Variants in DCAF6 observed in about 807,000 individuals in gnomAD.
DCAF6 encodes the protein DDB1 and CUL4 associated factor 6, also known as DDB1- and CUL4-associated factor 6.
In DCAF6, 54 loss-of-function variants were observed where a neutral mutation model predicts 125.1. That is an observed-to-expected ratio of 0.43 (90% CI 0.35 to 0.54). The LOEUF is 0.54. Ranked by LOEUF, DCAF6 falls within the 20% of genes least tolerant of loss-of-function variation. The pLI, the probability that DCAF6 is intolerant of heterozygous loss-of-function variation, is 0.01. For missense variants in DCAF6, 934 were observed against 1,161.7 expected (o/e 0.80, Z 2.85); for synonymous variants, 371 against 390.4 (o/e 0.95, Z 0.58).
At chr1:167,999,533 G>T (rs1682280482) in intron 7 of DCAF6, among the ~76,000 whole-genome samples, 1 of 152,156 alleles carries the variant, frequency 6.6e-6, no homozygotes, top group African/African-American at 2.4e-5. Flanking sequence ...GTTTAGGGTA[G>T]CCACTTTGAT....
intron 12 of DCAF6, among the ~76,000 whole-genome samples, chr1:168,028,139 A>G (rs1397329974): frequency 1.3e-5 from 2 of 152,098 alleles, no homozygotes; most frequent in African/African-American, 4.8e-5. Context: ...TTTAATGGGT[A>G]GTTTTAGTTT....
At chr1:167,942,929 C>G (rs1016968776) in intron 1 of DCAF6, among the ~76,000 whole-genome samples, 7 of 151,964 alleles carry the variant, frequency 4.6e-5, no homozygotes, top group Non-Finnish European at 8.8e-5. Flanking sequence ...TTTTTTGAGA[C>G]AGAGTCTTGC....
intron 4 of DCAF6, among the ~76,000 whole-genome samples, chr1:167,986,141 G>A (rs900367198): frequency 2.0e-5 from 3 of 152,214 alleles, no homozygotes; most frequent in African/African-American, 7.2e-5. Context: ...GTTGTTTCAA[G>A]TGTTTGGCTA....
At chr1:167,964,523 G>T (rs12117741) in intron 2 of DCAF6, among the ~76,000 whole-genome samples, 1 of 152,078 alleles carries the variant, frequency 6.6e-6, no homozygotes, top group East Asian at 1.9e-4. Context: ...CCTAGCTGTA[G>T]TTCTTTTTGT....
chr1:167,994,381 G>C (rs1221828015), intron 7 of DCAF6, among the ~76,000 whole-genome samples: 1 of 152,094 alleles, frequency 6.6e-6, no homozygotes, highest in Admixed American at 6.5e-5. Context: ...GAGACTAAAT[G>C]TGTATGTCCA....
the DCAF6 span, among the ~76,000 whole-genome samples, chr1:167,912,051 A>G: frequency 1.8e-4 from 27 of 152,230 alleles, no homozygotes; most frequent in Non-Finnish European, 2.8e-4. Context: ...ATTTTTGAAG[A>G]TATAGTTTTC....
At chr1:167,922,994 G>T in the DCAF6 span, among the ~76,000 whole-genome samples, 1 of 152,054 alleles carries the variant, frequency 6.6e-6, no homozygotes, top group Non-Finnish European at 1.5e-5. Flanking sequence ...TAAAAACAAA[G>T]ATATCTAACA....
At chr1:167,892,725 A>G in the DCAF6 span, among the ~76,000 whole-genome samples, 1 of 152,190 alleles carries the variant, frequency 6.6e-6, no homozygotes, top group Non-Finnish European at 1.5e-5. Context: ...AATTCACTCT[A>G]TGAAGGCAGC....
intron 2 of DCAF6, among the ~76,000 whole-genome samples, chr1:167,956,831 T>A (rs1479161473): frequency 6.6e-6 from 1 of 152,168 alleles, no homozygotes; most frequent in Non-Finnish European, 1.5e-5. Context: ...CTGTTATTTC[T>A]ATGGCCATCT....
At chr1:168,044,516 A>G (rs1387978933) in intron 14 of DCAF6, 69 bp from the exon 15 acceptor site, 2 of 1,116,492 alleles carry the variant, frequency 1.8e-6, no homozygotes, top group Non-Finnish European at 2.7e-6. Flanking sequence ...AGATTTTGGT[A>G]TTTTCAGCGA....
chr1:167,924,459 T>C, the DCAF6 span: 2 of 1,556,220 alleles, frequency 1.3e-6, no homozygotes, highest in Admixed American at 1.8e-5. Context: ...ATTAAGGAAT[T>C]TGTCTTTCAG....
At chr1:167,997,801 A>C (rs1173588186) in intron 7 of DCAF6, among the ~76,000 whole-genome samples, 1 of 152,194 alleles carries the variant, frequency 6.6e-6, no homozygotes, top group African/African-American at 2.4e-5. Context: ...AAAAAGACAA[A>C]TATCCAAACT....
the DCAF6 span, among the ~76,000 whole-genome samples, chr1:167,895,693 T>C: frequency 6.6e-6 from 1 of 152,224 alleles, no homozygotes; most frequent in Non-Finnish European, 1.5e-5. Flanking sequence ...GAATTCTGGC[T>C]GTTAGGTCTG....
At chr1:167,997,043 T>A (rs1681827026) in intron 7 of DCAF6, among the ~76,000 whole-genome samples, 1 of 152,118 alleles carries the variant, frequency 6.6e-6, no homozygotes, top group Non-Finnish European at 1.5e-5. Flanking sequence ...ACATTGGGGA[T>A]TTTTTGTGTG....
the DCAF6 span, among the ~76,000 whole-genome samples, chr1:167,874,898 G>GT: frequency 6.6e-6 from 1 of 152,148 alleles, no homozygotes; most frequent in Non-Finnish European, 1.5e-5. Flanking sequence ...GATTCCATCT[G>GT]TATCAATTTT....
rs1203808845 is a variant in DCAF6 at position 168,004,697 on chromosome 1, A to G, written c.1282A>G (p.Thr428Ala). 2.5e-6 allele frequency: 4 copies of G among 1,613,984 alleles called. No individual in the cohort carries two copies. Among genetic ancestry groups the G allele is most frequent in the Admixed American group, 1.7e-5 (1 of 59,994 alleles). ...TCAGGCTCATTCGACATCATCTCCC[A>G]CAGAAAGCCCTCATTCTACTCCTTT... Reference protein sequence around the residue: ...SAQAHSTSSPTESPHSTPLLS... With the variant: ...SAQAHSTSSPAESPHSTPLLS... Residue 428 changes from threonine to alanine, a missense_variant, in exon 10 of 22, where the codon ACA becomes GCA. Around this residue, in one of 5 missense-constraint regions of DCAF6, gnomAD observed 559 missense variants for 635.5 expected, o/e 0.88. Transcript: ENST00000367840.
At position 168,045,187 on chromosome 1, in the gene DCAF6, C is replaced by T; in HGVS notation, c.2218C>T (p.Leu740=). The change falls in exon 16 of 22, where the codon CTG becomes TTG. Residue 740 remains leucine (L), a synonymous_variant. Transcript: ENST00000367840. ...DTDDSDDDPV[L]IPGARYRAGP... The stretch of plus-strand genomic sequence containing the variant: ...AGATGACAGTGATGATGACCCAGTC[C>T]TGATCCCAGGTGCAAGGTATCGAGC... The T allele has an allele frequency of 6.2e-7, 1 of 1,613,612 alleles. No homozygotes were observed. The highest frequency in any genetic ancestry group is 8.5e-7 in the Non-Finnish European group (1 of 1,179,830).
the DCAF6 span, among the ~76,000 whole-genome samples, chr1:167,869,669 A>G: frequency 6.6e-6 from 1 of 152,080 alleles, no homozygotes; most frequent in Non-Finnish European, 1.5e-5. Context: ...GTTCTGTTTC[A>G]CTGTGACCAC....
chr1:167,965,538 T>G (rs1178137223), intron 2 of DCAF6, among the ~76,000 whole-genome samples: 3 of 152,210 alleles, frequency 2.0e-5, no homozygotes, highest in Admixed American at 2.0e-4. Flanking sequence ...ATCTGAAATT[T>G]ATTGTGAAAA....
Sources: allele counts gnomAD v4.1 joint callset (sites outside exome capture counted in the v4.1 genomes callset), GRCh38; gene constraint gnomAD v4.1.1; regional missense constraint gnomAD v4.1.1; transcripts MANE v1.5; gene names NCBI Gene and HGNC (gene_info 2026-07-23, HGNC 2026-07-21).